TRPM8: variants seen among roughly 807,000 people sequenced by gnomAD.
The protein encoded by TRPM8 is TRPM8 cationic channel.
Under a neutral mutation model 133.7 loss-of-function variants are expected in TRPM8, and 110 were observed. The ratio of observed to expected loss-of-function variants is 0.82; its 90% CI spans 0.70 to 0.96. The LOEUF is 0.96. TRPM8 is among the 40% of genes least tolerant of loss of function. TRPM8 has a pLI of 0.00. For synonymous variants in TRPM8, 535 were observed against 532.3 expected, an observed-to-expected ratio of 1.01 and a Z score of -0.07; for missense variants, 1,291 against 1,379.5, an observed-to-expected ratio of 0.94 and a Z score of 1.02.
chr2:233,939,740 C>G (rs532381521), intron 5 of TRPM8, among the ~76,000 whole-genome samples: 1 of 152,308 alleles, frequency 6.6e-6, no homozygotes, highest in African/African-American at 2.4e-5. Flanking sequence ...CCTAGATTCA[C>G]CAATTGTTAA....
intron 1 of TRPM8, among the ~76,000 whole-genome samples, chr2:233,919,200 AT>A (rs542983908): frequency 2.6e-5 from 4 of 151,778 alleles, no homozygotes; most frequent in African/African-American, 9.7e-5. Flanking sequence ...GCACACTAAT[AT>A]TTTTTTTGTA....
chr2:233,927,783 T>TTCCTTCCTTCCTTCCTTCCTTCC (rs1691565989), intron 2 of TRPM8, among the ~76,000 whole-genome samples: 4 of 34,844 alleles, frequency 1.1e-4, no homozygotes, highest in East Asian at 1.6e-3. Flanking sequence ...TCTTTCTTTC[T>TTCCTTCCTTCCTTCCTTCCTTCC]TTCTTTCTTT....
chr2:234,005,941 C>CACAT (rs1298499873), intron 22 of TRPM8, among the ~76,000 whole-genome samples: 1 of 150,156 alleles, frequency 6.7e-6, no homozygotes, highest in Non-Finnish European at 1.5e-5. Context: ...CACACACACA[C>CACAT]ACACACACAC....
chr2:233,972,034 C>T (rs973659820), intron 17 of TRPM8, among the ~76,000 whole-genome samples: 4 of 152,250 alleles, frequency 2.6e-5, no homozygotes, highest in Non-Finnish European at 5.9e-5. Context: ...ACAGAGTGTC[C>T]ACACAAAGGT....
At chr2:233,945,251 A>T (rs1691013096) in intron 6 of TRPM8, among the ~76,000 whole-genome samples, 1 of 152,158 alleles carries the variant, frequency 6.6e-6, no homozygotes, top group Non-Finnish European at 1.5e-5. Flanking sequence ...TTTGGTAAGG[A>T]TTCCTTTCTT....
At position 233,969,727 on chromosome 2, in the gene TRPM8, T is replaced by A; in HGVS notation, c.2058T>A (p.Ile686=). ...TTTCTAAGCAATGGTATGGAGAGAT[T>A]TCCCGAGACACCAAGAACTGGAAGA... ...NFLSKQWYGE[I]SRDTKNWKII... Residue 686 remains isoleucine (I), a synonymous_variant, in exon 16 of 26, where the codon ATT becomes ATA. Transcript: ENST00000324695. 6.2e-7 allele frequency: 1 copy of A among 1,613,824 alleles called. No homozygotes were observed. The highest frequency in any genetic ancestry group is 8.5e-7 in the Non-Finnish European group (1 of 1,179,686).
At chr2:233,980,098 C>T in intron 17 of TRPM8, 90 bp from the exon 18 acceptor site, 2 of 888,954 alleles carry the variant, frequency 2.2e-6, no homozygotes, top group Non-Finnish European at 3.6e-6. Context: ...CAAAAAGGAC[C>T]TGGAAGAAAA....
chr2:233,956,497 CTTCT>C (rs1691296892), intron 11 of TRPM8, among the ~76,000 whole-genome samples: 1 of 152,120 alleles, frequency 6.6e-6, no homozygotes, highest in Non-Finnish European at 1.5e-5. Flanking sequence ...TATAAGGCTG[CTTCT>C]TTGTTTTCAG....
At chr2:233,969,616 C>G in intron 15 of TRPM8, 79 bp from the exon 16 acceptor site, 1 of 826,930 alleles carries the variant, frequency 1.2e-6, no homozygotes, top group Non-Finnish European at 2.1e-6. Flanking sequence ...AAGTGTGGGG[C>G]GGGGAAGAAA....
intron 21 of TRPM8, among the ~76,000 whole-genome samples, chr2:233,990,866 G>A (rs1316623831): frequency 2.0e-5 from 3 of 152,114 alleles, no homozygotes; most frequent in Admixed American, 6.6e-5. Flanking sequence ...GGCAGAGAAA[G>A]GTTAAGTCCC....
chr2:233,972,862 C>T (rs572964543), intron 17 of TRPM8, among the ~76,000 whole-genome samples: 1 of 152,348 alleles, frequency 6.6e-6, no homozygotes, highest in African/African-American at 2.4e-5. Context: ...TCCACACTTC[C>T]CTGCAAGCTG....
intron 16 of TRPM8, 162 bp downstream of exon 16, chr2:233,969,969 G>A: frequency 1.5e-6 from 1 of 679,858 alleles, no homozygotes; most frequent in Non-Finnish European, 2.6e-6. Context: ...ACTTTTCCTG[G>A]GTTTCCTCTT....
Position 233,945,981 on chromosome 2 carries a change from A to G in TRPM8, c.825A>G (p.Ala275=), listed in dbSNP as rs539773277. 1.9e-6 allele frequency: 3 copies of G among 1,614,178 alleles called. No homozygotes were observed. The South Asian group carries it at 3.3e-5, about 18-fold the overall frequency. The change falls in exon 7 of 26, where the codon GCA becomes GCG. Residue 275 remains alanine (A), a synonymous_variant. Transcript: ENST00000324695. ...NGCHGHPTVE[A]KLRNQLEKYI... ...GTCATGGACATCCCACTGTCGAAGCAAAGCTCCGGAATCAGCTAGAGAAGT... is the reference window on the plus strand; with the variant it reads ...GTCATGGACATCCCACTGTCGAAGCGAAGCTCCGGAATCAGCTAGAGAAGT...
chr2:233,944,787 A>G (rs777366305), intron 6 of TRPM8, among the ~76,000 whole-genome samples: 1 of 152,196 alleles, frequency 6.6e-6, no homozygotes, highest in African/African-American at 2.4e-5. Context: ...CTTTAATCAT[A>G]ATAACAAAAC....
At chr2:233,982,488 G>A (rs1311405671) in intron 19 of TRPM8, among the ~76,000 whole-genome samples, 1 of 152,166 alleles carries the variant, frequency 6.6e-6, no homozygotes, top group Non-Finnish European at 1.5e-5. Flanking sequence ...GCATTGAGAT[G>A]AGCTCATCTG....
At chr2:234,001,171 C>T (rs930114893) in intron 22 of TRPM8, among the ~76,000 whole-genome samples, 1 of 152,088 alleles carries the variant, frequency 6.6e-6, no homozygotes, top group African/African-American at 2.4e-5. Context: ...AGGAGTGTGC[C>T]TCTCACATGA....
At chr2:233,968,457 C>A (rs547010526) in intron 15 of TRPM8, among the ~76,000 whole-genome samples, 1 of 152,138 alleles carries the variant, frequency 6.6e-6, no homozygotes, top group Admixed American at 6.5e-5. Flanking sequence ...GCAAAGCAGT[C>A]GGCCATTTAC....
At chr2:233,936,891 CTTTTTTTTTT>C (rs5839499) in intron 3 of TRPM8, among the ~76,000 whole-genome samples, 3 of 101,328 alleles carry the variant, frequency 3.0e-5, no homozygotes, top group African/African-American at 3.9e-5. Context: ...TCTTTCTTTC[CTTTTTTTTTT>C]TTTTTTTTTT....
chr2:233,978,568 C>G (rs1691928577), intron 17 of TRPM8, among the ~76,000 whole-genome samples: 1 of 152,130 alleles, frequency 6.6e-6, no homozygotes, highest in Admixed American at 6.5e-5. Context: ...ATTTTGCTTT[C>G]TCTTTTACTT....
Sources: allele counts gnomAD v4.1 joint callset (sites outside exome capture counted in the v4.1 genomes callset), GRCh38; gene constraint gnomAD v4.1.1; transcripts MANE v1.5; gene names NCBI Gene and HGNC (gene_info 2026-07-23, HGNC 2026-07-21).